CTHRC1: variants seen among roughly 807,000 people sequenced by gnomAD.
CTHRC1 encodes the protein collagen triple helix repeat-containing protein 1.
CTHRC1 carries 21 observed loss-of-function variants against 25.9 expected under a neutral mutation model. The ratio of observed to expected loss-of-function variants is 0.81; its 90% CI spans 0.57 to 1.17. The LOEUF is 1.17. Ranked by LOEUF, CTHRC1 falls within the 50% of genes most tolerant of loss-of-function variation. The probability of loss-of-function intolerance (pLI) is 0.00; values close to 1 mark genes in which losing one functional copy is unlikely to be tolerated. For missense variants in CTHRC1, 281 were observed against 304.3 expected (o/e 0.92, Z 0.57); for synonymous variants, 109 against 113.1 (o/e 0.96, Z 0.23).
intron 1 of CTHRC1, chr8:103,372,672 A>G: frequency 6.3e-7 from 1 of 1,595,202 alleles, no homozygotes; most frequent in South Asian, 1.1e-5. Flanking sequence ...ATGTTTGCTT[A>G]AAATCCTTCC....
Position 103,371,689 on chromosome 8 carries a change from G to A in CTHRC1, c.33G>A (p.Gln11=). ...CCCAGGGCCCCGCCGCCTCCCCGCA[G>A]CGGCTCCGCGGCCTCCTGCTGCTCC... MRPQGPAASP[Q]RLRGLLLLLL... The change falls in exon 1 of 4, where the codon CAG becomes CAA. Residue 11 remains glutamine, a synonymous_variant. Transcript: ENST00000330295. 3 of 1,533,350 alleles carry A rather than the reference G, an allele frequency of 2.0e-6. No homozygotes were observed. Among genetic ancestry groups the A allele is most frequent in the Non-Finnish European group, 2.6e-6 (3 of 1,141,018 alleles). 95.0% of individuals were successfully genotyped at this position (1,533,350 alleles called of 1,614,324 possible).
chr8:103,373,262 A>G (rs1033108912), intron 1 of CTHRC1, among the ~76,000 whole-genome samples: 1 of 152,208 alleles, frequency 6.6e-6, no homozygotes, highest in African/African-American at 2.4e-5. Flanking sequence ...TGCATCCTGT[A>G]GGTTGGATTT....
intron 3 of CTHRC1, among the ~76,000 whole-genome samples, chr8:103,378,480 G>C (rs1443547936): frequency 6.6e-6 from 1 of 152,194 alleles, no homozygotes; most frequent in Non-Finnish European, 1.5e-5. Context: ...TAAGACCACA[G>C]CTTCTGTGTT....
chr8:103,377,224 A>C (rs186485520), intron 2 of CTHRC1: 1 of 152,202 alleles, frequency 6.6e-6, no homozygotes, highest in African/African-American at 2.4e-5. Flanking sequence ...AACCCTGCCT[A>C]TCCTTTACTC....
intron 3 of CTHRC1, among the ~76,000 whole-genome samples, chr8:103,379,937 C>T (rs1352375698): frequency 6.6e-6 from 1 of 152,174 alleles, no homozygotes; most frequent in Non-Finnish European, 1.5e-5. Flanking sequence ...CAGGGAAATA[C>T]AGCGTCTTAC....
At chr8:103,378,833 G>A (rs1018895613) in intron 3 of CTHRC1, among the ~76,000 whole-genome samples, 3 of 151,924 alleles carry the variant, frequency 2.0e-5, no homozygotes, top group African/African-American at 7.3e-5. Flanking sequence ...TGGGCAAGAG[G>A]GCGAAACCCC....
At chr8:103,377,753 G>A (rs1017160947) in intron 2 of CTHRC1, among the ~76,000 whole-genome samples, 2 of 152,100 alleles carry the variant, frequency 1.3e-5, no homozygotes, top group Non-Finnish European at 2.9e-5. Flanking sequence ...ACAGGCGTGC[G>A]CCACCACACC....
At chr8:103,382,418 T>G (rs1426093769) in intron 3 of CTHRC1, 40 bp from the exon 4 acceptor site, 4 of 1,609,758 alleles carry the variant, frequency 2.5e-6, no homozygotes, top group African/African-American at 2.7e-5. Context: ...TTTTGCTCTT[T>G]GTTCTAAAGA....
chr8:103,375,788 G>C lies in CTHRC1; in HGVS notation c.201G>C (p.Gly67=). The part of the protein sequence containing the change: ...QGPAGVPGRD[G]SPGANGIPGT... ...CAGCAGGAGTGCCTGGTCGAGACGG[G>C]AGCCCTGGGGCCAATGGCATTCCGG... Residue 67 remains glycine, a synonymous_variant, in exon 2 of 4, where the codon GGG becomes GGC. Coordinates refer to ENST00000330295, the MANE Select transcript of CTHRC1 (RefSeq NM_138455.4). 1 of 1,614,082 alleles carries C rather than the reference G, an allele frequency of 6.2e-7. No homozygotes were observed.
intron 2 of CTHRC1, among the ~76,000 whole-genome samples, chr8:103,376,328 A>C (rs113829152): frequency 8.7e-4 from 133 of 152,318 alleles, no homozygotes; most frequent in African/African-American, 2.9e-3. Flanking sequence ...GGTGGGAAAA[A>C]ATTTCCAAGA....
At chr8:103,375,647 C>T (rs780939033) in intron 1 of CTHRC1, 91 bp from the exon 2 acceptor site, 39 of 1,102,884 alleles carry the variant, frequency 3.5e-5, no homozygotes, top group Non-Finnish European at 4.5e-5. Flanking sequence ...TTCTTGACTC[C>T]AAGGGCTCAA....
chr8:103,373,166 A>G (rs1047354700), intron 1 of CTHRC1, among the ~76,000 whole-genome samples: 10 of 152,182 alleles, frequency 6.6e-5, no homozygotes, highest in South Asian at 2.1e-4. Context: ...GAAGCTTGCT[A>G]TTTTCCCCCC....
At chr8:103,382,136 C>A (rs1393960046) in intron 3 of CTHRC1, among the ~76,000 whole-genome samples, 1 of 151,970 alleles carries the variant, frequency 6.6e-6, no homozygotes, top group Non-Finnish European at 1.5e-5. Context: ...TATAGCCTTT[C>A]TTTGTTTATT....
intron 2 of CTHRC1, chr8:103,377,082 A>G (rs1815817154): frequency 6.6e-6 from 1 of 152,182 alleles, no homozygotes; most frequent in Non-Finnish European, 1.5e-5. Flanking sequence ...CAGGATGGGT[A>G]TGGTAACCTT....
intron 1 of CTHRC1, among the ~76,000 whole-genome samples, chr8:103,375,162 C>T (rs1306846386): frequency 6.6e-6 from 1 of 152,100 alleles, no homozygotes; most frequent in South Asian, 2.1e-4. Context: ...TTTTCATACC[C>T]AAGTTGGAGC....
At position 103,378,152 on chromosome 8, in the gene CTHRC1, T is replaced by C; in HGVS notation, c.498T>C (p.Cys166=). The C allele has an allele frequency of 6.2e-7, 1 of 1,614,172 alleles. No homozygotes were observed. The highest frequency in any genetic ancestry group is 8.5e-7 in the Non-Finnish European group (1 of 1,179,996). ...RWYFTFNGAE[C]SGPLPIEAII... The stretch of plus-strand genomic sequence containing the variant: ...ATTTCACATTCAATGGAGCTGAATG[T>C]TCAGGACCTCTTCCCATTGAAGCTA... The change falls in exon 3 of 4, where the codon TGT becomes TGC. Residue 166 remains cysteine, a synonymous_variant. Transcript: ENST00000330295.
intron 1 of CTHRC1, chr8:103,372,631 G>C (rs776981155): frequency 6.3e-7 from 1 of 1,598,224 alleles, no homozygotes; most frequent in East Asian, 2.2e-5. Context: ...AACGGCCCGA[G>C]TGCTTTCCAG....
At chr8:103,376,031 A>G (rs1222392741) in intron 2 of CTHRC1, 72 bp downstream of exon 2, 1 of 1,231,482 alleles carries the variant, frequency 8.1e-7, no homozygotes, top group Non-Finnish European at 1.2e-6. Context: ...TTTTTAGGTG[A>G]CATTTTATTT....
rs1815791539 is a variant in CTHRC1, at chr8:103,375,748, T to C, written c.161T>C (p.Met54Thr). ...TCTTTCTCATTATAGTATAATGGAA[T>C]GTGCTTACAAGGGCCAGCAGGAGTG... ...QREVVDLYNG[M>T]CLQGPAGVPG... The change falls in exon 2 of 4, where the codon ATG (methionine) becomes ACG (threonine). Residue 54 changes from methionine to threonine, a missense_variant. Coordinates refer to ENST00000330295, the MANE Select transcript of CTHRC1 (RefSeq NM_138455.4). The C allele has an allele frequency of 6.2e-7, 1 of 1,613,834 alleles. No homozygotes were observed. The highest frequency in any genetic ancestry group is 1.1e-5 in the South Asian group (1 of 91,060).
Sources: gnomAD v4.1 joint callset for allele counts (sites outside exome capture counted in the v4.1 genomes callset) on GRCh38, gnomAD v4.1.1 for gene constraint, MANE v1.5 for transcripts, NCBI Gene and HGNC (gene_info 2026-07-23, HGNC 2026-07-21) for gene names.